LRMDA: variants seen among roughly 807,000 people sequenced by gnomAD.
The protein encoded by LRMDA is leucine rich melanocyte differentiation associated, also known as leucine-rich melanocyte differentiation-associated protein.
LRMDA carries 18 observed loss-of-function variants against 29.8 expected under a neutral mutation model. The ratio of observed to expected loss-of-function variants is 0.60; its 90% CI spans 0.42 to 0.90. The LOEUF (loss-of-function observed/expected upper bound fraction) is 0.90, where lower values mean the gene tolerates loss of function less well. LRMDA is among the 40% of genes least tolerant of loss of function. The probability of loss-of-function intolerance (pLI) is 0.00; values close to 1 mark genes in which losing one functional copy is unlikely to be tolerated. For synonymous variants in LRMDA, 125 were observed against 109.4 expected, an observed-to-expected ratio of 1.14 and a Z score of -0.89; for missense variants, 273 against 273.9, an observed-to-expected ratio of 1.00 and a Z score of 0.02.
intron 2 of LRMDA, among the ~76,000 whole-genome samples, chr10:75,564,530 G>A (rs888063537): frequency 6.6e-6 from 1 of 152,192 alleles, no homozygotes; most frequent in Admixed American, 6.5e-5. Context: ...CGCATGGTGC[G>A]CTGCACCCAC....
intron 5 of LRMDA, among the ~76,000 whole-genome samples, chr10:76,190,668 AT>A (rs1285275259): frequency 2.0e-5 from 3 of 152,202 alleles, no homozygotes; most frequent in African/African-American, 7.2e-5. Context: ...TGGTGGCAAT[AT>A]AGAAATGCAT....
At chr10:76,146,442 G>A (rs1007210594) in intron 5 of LRMDA, among the ~76,000 whole-genome samples, 1 of 151,526 alleles carries the variant, frequency 6.6e-6, no homozygotes, top group African/African-American at 2.4e-5. Context: ...TTACCATTAT[G>A]TAATGGCCTT....
chr10:75,435,833 A>G (rs1844257785), intron 1 of LRMDA, among the ~76,000 whole-genome samples: 1 of 152,116 alleles, frequency 6.6e-6, no homozygotes, highest in Non-Finnish European at 1.5e-5. Context: ...TCAGTGTAGC[A>G]CCGTGGGAGA....
chr10:76,242,316 G>C (rs193249005), intron 5 of LRMDA: 5 of 152,296 alleles, frequency 3.3e-5, no homozygotes, highest in Admixed American at 3.3e-4. Flanking sequence ...GCATTGGTTT[G>C]TTAGGATTGC....
At chr10:76,267,152 G>A (rs920118012) in intron 5 of LRMDA, among the ~76,000 whole-genome samples, 19 of 152,080 alleles carry the variant, frequency 1.2e-4, no homozygotes, top group Admixed American at 5.9e-4. Flanking sequence ...GTCACCATAT[G>A]CAGCTTCCTT....
Position 76,381,976 on chromosome 10 carries a change from A to G in LRMDA, c.601+57491A>G, listed in dbSNP as rs544702191. On this transcript the variant is annotated intron_variant, in intron 6 of 6. Transcript: ENST00000611255. ...TGAGTCCTGCAACACATGACATGGA[A>G]GTAGGCAAATAATAATATATCTTCT... 3.3e-5 allele frequency among the ~76,000 whole-genome samples: 5 copies of G among 152,344 alleles called. No individual in the cohort carries two copies. In the South Asian group the frequency reaches 1.0e-3, roughly 32 times the overall value.
chr10:75,781,477 C>A (rs1456854311), intron 2 of LRMDA, among the ~76,000 whole-genome samples: 4 of 152,114 alleles, frequency 2.6e-5, no homozygotes, highest in Non-Finnish European at 1.5e-5. Context: ...GGAAAAAGAT[C>A]AAAATGGGTT....
At chr10:75,906,353 C>T (rs1351216627) in intron 2 of LRMDA, among the ~76,000 whole-genome samples, 1 of 152,134 alleles carries the variant, frequency 6.6e-6, no homozygotes, top group East Asian at 1.9e-4. Context: ...TTAAAACCAG[C>T]ACCATTATCT....
chr10:76,344,073 C>T (rs546779921), intron 6 of LRMDA, among the ~76,000 whole-genome samples: 1 of 152,056 alleles, frequency 6.6e-6, no homozygotes, highest in Admixed American at 6.6e-5. Flanking sequence ...CCACCCTCCT[C>T]AGCCTCCCAA....
At chr10:76,485,804 G>A (rs1842777857) in intron 6 of LRMDA, among the ~76,000 whole-genome samples, 2 of 151,782 alleles carry the variant, frequency 1.3e-5, no homozygotes, top group Non-Finnish European at 2.9e-5. Context: ...CATAGTTTCT[G>A]ATAAGACATC....
intron 2 of LRMDA, among the ~76,000 whole-genome samples, chr10:75,625,105 C>T (rs767223623): frequency 3.9e-5 from 6 of 152,288 alleles, no homozygotes; most frequent in Non-Finnish European, 5.9e-5. Flanking sequence ...CAGACACCAG[C>T]CACTCAGTAG....
At chr10:75,774,457 A>C (rs762816630) in intron 2 of LRMDA, among the ~76,000 whole-genome samples, 2 of 152,152 alleles carry the variant, frequency 1.3e-5, no homozygotes, top group Non-Finnish European at 2.9e-5. Flanking sequence ...TAATAATATT[A>C]TGTATCTTAG....
chr10:75,740,646 T>A (rs1488474096), intron 2 of LRMDA, among the ~76,000 whole-genome samples: 1 of 152,212 alleles, frequency 6.6e-6, no homozygotes, highest in Non-Finnish European at 1.5e-5. Context: ...CTGTACCATG[T>A]GCCTGGCTGT....
chr10:76,392,945 C>G (rs182404964), intron 6 of LRMDA, among the ~76,000 whole-genome samples: 3 of 152,210 alleles, frequency 2.0e-5, no homozygotes, highest in Admixed American at 2.0e-4. Context: ...TGGTATTTGT[C>G]TTTCTTTGCC....
intron 2 of LRMDA, among the ~76,000 whole-genome samples, chr10:75,613,042 C>T (rs1022459139): frequency 6.6e-6 from 1 of 151,850 alleles, no homozygotes; most frequent in African/African-American, 2.4e-5. Flanking sequence ...TTTGACGTTC[C>T]TGGGCAAGGC....
At chr10:76,206,955 G>A (rs766644167) in intron 5 of LRMDA, among the ~76,000 whole-genome samples, 6 of 152,198 alleles carry the variant, frequency 3.9e-5, no homozygotes, top group East Asian at 1.9e-4. Context: ...ATCGCATTCA[G>A]TGGCCACAAC....
intron 2 of LRMDA, among the ~76,000 whole-genome samples, chr10:75,764,534 T>G (rs543741674): frequency 3.9e-5 from 6 of 152,312 alleles, no homozygotes; most frequent in Middle Eastern, 3.4e-3. Flanking sequence ...AAAGGAATTG[T>G]GCAAAGTTTG....
intron 2 of LRMDA, among the ~76,000 whole-genome samples, chr10:75,686,094 A>C (rs1842078557): frequency 6.6e-6 from 1 of 152,194 alleles, no homozygotes; most frequent in Non-Finnish European, 1.5e-5. Context: ...GGAAAGCTGC[A>C]AAGAAACATT....
At chr10:75,706,489 C>G (rs1335205771) in intron 2 of LRMDA, among the ~76,000 whole-genome samples, 1 of 152,066 alleles carries the variant, frequency 6.6e-6, no homozygotes, top group South Asian at 2.1e-4. Context: ...GCTTGTATTC[C>G]TATAGAGAAT....
Sources: allele counts gnomAD v4.1 joint callset (sites outside exome capture counted in the v4.1 genomes callset), GRCh38; gene constraint gnomAD v4.1.1; transcripts MANE v1.5; gene names NCBI Gene and HGNC (gene_info 2026-07-23, HGNC 2026-07-21).